Variants in PECAM1 observed in about 807,000 individuals in gnomAD.
PECAM1 encodes the protein platelet endothelial cell adhesion molecule.
A neutral mutation model predicts 13.8 loss-of-function variants in PECAM1; 8 were observed. The ratio of observed to expected loss-of-function variants is 0.58; its 90% CI spans 0.34 to 1.05. The LOEUF (loss-of-function observed/expected upper bound fraction) is 1.05, where lower values mean the gene tolerates loss of function less well. Ranked by LOEUF, PECAM1 falls within the 50% of genes least tolerant of loss-of-function variation. The pLI, the probability that PECAM1 is intolerant of heterozygous loss-of-function variation, is 0.03. For synonymous variants in PECAM1, 136 were observed against 52.6 expected (o/e 2.58, Z -6.86); for missense variants, 304 against 141.2 (o/e 2.15, Z -5.84).
chr17:64,380,661 A>G (rs1002577773), intron 2 of PECAM1, among the ~76,000 whole-genome samples: 1 of 152,246 alleles, frequency 6.6e-6, no homozygotes, highest in Non-Finnish European at 1.5e-5. Flanking sequence ...CATGATATGT[A>G]AAAACCTCAA....
At position 64,334,547 on chromosome 17, in the gene PECAM1, C is replaced by T. The variant is rs1013024951; in HGVS notation, c.2165-4825G>A. 4.9e-4 allele frequency among the ~76,000 whole-genome samples: 74 copies of T among 152,048 alleles called. 1 individual carries two copies. In the East Asian group the frequency reaches 0.012, roughly 26 times the overall value. On this transcript the variant is annotated intron_variant, in intron 14 of 15. Transcript: ENST00000563924. ...TTTTTGAGATGGAGTCTCACTCTGT[C>T]GCCCAGGCTGGAGTGCACTGGTGCG...
At chr17:64,373,096 G>A (rs1426130700) in intron 4 of PECAM1, among the ~76,000 whole-genome samples, 8 of 149,134 alleles carry the variant, frequency 5.4e-5, no homozygotes, top group East Asian at 2.0e-4. Flanking sequence ...TGGGCAACAA[G>A]AGTGAAACTC....
chr17:64,334,665 G>A (rs1431122978), intron 14 of PECAM1, among the ~76,000 whole-genome samples: 1 of 152,030 alleles, frequency 6.6e-6, no homozygotes, highest in African/African-American at 2.4e-5. Context: ...CCGCCACCAC[G>A]TCCAGCTAAT....
intron 6 of PECAM1, among the ~76,000 whole-genome samples, chr17:64,361,328 T>G (rs1236064096): frequency 6.6e-6 from 1 of 151,964 alleles, no homozygotes; most frequent in Non-Finnish European, 1.5e-5. Context: ...GTATTTTTAG[T>G]AGAGAGGGGG....
chr17:64,363,075 G>A lies in PECAM1; in HGVS notation c.1216+74C>T, dbSNP rs950206583. 7 of 473,020 alleles carry A rather than the reference G, an allele frequency of 1.5e-5. No individual in the cohort carries two copies. The Admixed American group carries it at 1.6e-4, about 11-fold the overall frequency. The allele number at this position is 473,020 out of a possible 1,614,324, so 29.3% of individuals were successfully genotyped here. A position where few individuals can be genotyped will look rare whatever the true frequency, so the allele number is the denominator to read the frequency against. On this transcript the variant is annotated intron_variant, in intron 6 of 15. Coordinates refer to ENST00000563924, the MANE Select transcript of PECAM1 (RefSeq NM_000442.5). ...CCTGAGTCTGCTCAGACCGGAGAGGGCGGCAGCTGCAGATAAATTTCCTTT... is the reference window on the plus strand; with the variant it reads ...CCTGAGTCTGCTCAGACCGGAGAGGACGGCAGCTGCAGATAAATTTCCTTT...
Position 64,387,082 on chromosome 17 carries a change from G to A in PECAM1, c.91+3407C>T, listed in dbSNP as rs947103483. Among the ~76,000 whole-genome samples the A allele has an allele frequency of 1.5e-4, 23 of 152,318 alleles. 2 individuals carry two copies. The South Asian group carries it at 4.8e-3, about 32-fold the overall frequency. The stretch of plus-strand genomic sequence containing the variant: ...AAGTAAGTCCAAAGTCAGCCATGGG[G>A]GAGAAGGAAGAGGGTTTGTTAGAGA... On this transcript the variant is annotated intron_variant, in intron 2 of 15. Transcript: ENST00000563924.
Position 64,356,336 on chromosome 17 carries a change from T to C in PECAM1, c.1555A>G (p.Ile519Val). The change falls in exon 8 of 16, where the codon ATT becomes GTT. Residue 519 changes from isoleucine to valine, a missense_variant. Coordinates refer to ENST00000563924, the MANE Select transcript of PECAM1 (RefSeq NM_000442.5). ...SSKVVESGEDIVLQCAVNEGS... is the reference protein window; with the variant it reads ...SSKVVESGEDVVLQCAVNEGS... ...TCATTCACAGCACATTGCAGCACAA[T>C]GTCCTCTCCAGACTCCACCACCTTA... 4.2e-6 allele frequency: 2 copies of C among 474,258 alleles called. No homozygotes were observed. Among genetic ancestry groups the C allele is most frequent in the Non-Finnish European group, 7.7e-6 (2 of 258,716 alleles). 29.4% of individuals were successfully genotyped at this position (474,258 alleles called of 1,614,324 possible). A position where few individuals can be genotyped will look rare whatever the true frequency, so the allele number is the denominator to read the frequency against.
At chr17:64,352,293 T>C (rs2035743388) in intron 11 of PECAM1, 97 bp downstream of exon 11, 4 of 425,496 alleles carry the variant, frequency 9.4e-6, no homozygotes, top group African/African-American at 8.1e-5. Flanking sequence ...CTCTTCCAAC[T>C]GTAATCCCAC....
chr17:64,389,727 C>A (rs1334429002), intron 2 of PECAM1, among the ~76,000 whole-genome samples: 1 of 152,064 alleles, frequency 6.6e-6, no homozygotes, highest in African/African-American at 2.4e-5. Context: ...ACCTCCCCAT[C>A]CCAAAAAACA....
At chr17:64,374,895 A>G (rs915405632) in intron 4 of PECAM1, among the ~76,000 whole-genome samples, 156 bp downstream of exon 4, 1 of 152,234 alleles carries the variant, frequency 6.6e-6, no homozygotes, top group Non-Finnish European at 1.5e-5. Context: ...ATTTAACTGT[A>G]TAACAGTCAA....
chr17:64,371,001 G>A (rs1272359185), intron 4 of PECAM1, among the ~76,000 whole-genome samples: 1 of 152,100 alleles, frequency 6.6e-6, no homozygotes, highest in Non-Finnish European at 1.5e-5. Flanking sequence ...GTAAAAAAGG[G>A]GAAGGCATCC....
intron 13 of PECAM1, among the ~76,000 whole-genome samples, chr17:64,343,492 C>T (rs1163852964): frequency 6.6e-6 from 1 of 152,160 alleles, no homozygotes; most frequent in African/African-American, 2.4e-5. Context: ...CAGACCCCGA[C>T]CTCCTATGGG....
chr17:64,334,898 A>C (rs977211157), intron 14 of PECAM1, among the ~76,000 whole-genome samples: 2 of 152,120 alleles, frequency 1.3e-5, no homozygotes, highest in East Asian at 1.9e-4. Flanking sequence ...CCAATGCTGA[A>C]AGATCCCTCC....
chr17:64,354,796 C>T (rs2035812302), intron 9 of PECAM1, 137 bp downstream of exon 9: 2 of 411,928 alleles, frequency 4.9e-6, no homozygotes, highest in African/African-American at 2.1e-5. Context: ...TTTATCTTTT[C>T]TGGTTTGCCC....
chr17:64,373,455 G>A (rs1422998257), intron 4 of PECAM1, among the ~76,000 whole-genome samples: 2 of 151,820 alleles, frequency 1.3e-5, no homozygotes, highest in Admixed American at 1.3e-4. Flanking sequence ...ATAAGATTTT[G>A]TCTGGTTTTT....
At chr17:64,385,116 T>TTTCCTTACG (rs2036565241) in intron 2 of PECAM1, among the ~76,000 whole-genome samples, 1 of 152,162 alleles carries the variant, frequency 6.6e-6, no homozygotes, top group African/African-American at 2.4e-5. Flanking sequence ...ATTTCCTTAC[T>TTTCCTTACG]GAACCCAAAA....
chr17:64,368,437 C>T (rs893940174), intron 5 of PECAM1, among the ~76,000 whole-genome samples: 2 of 152,080 alleles, frequency 1.3e-5, no homozygotes, highest in South Asian at 2.1e-4. Flanking sequence ...TGTTCTACCC[C>T]CTTGGTAACC....
At chr17:64,368,488 T>C (rs1456635103) in intron 5 of PECAM1, among the ~76,000 whole-genome samples, 3 of 152,080 alleles carry the variant, frequency 2.0e-5, no homozygotes, top group African/African-American at 7.2e-5. Flanking sequence ...CAGTCTCAGT[T>C]TCCACATCCA....
At chr17:64,369,094 C>T (rs1188502302) in intron 5 of PECAM1, among the ~76,000 whole-genome samples, 6 of 151,524 alleles carry the variant, frequency 4.0e-5, no homozygotes, top group Non-Finnish European at 7.4e-5. Flanking sequence ...GCTGCCATGC[C>T]CAGCTAATTT....
Sources: gnomAD v4.1 joint callset for allele counts (sites outside exome capture counted in the v4.1 genomes callset) on GRCh38, gnomAD v4.1.1 for gene constraint, MANE v1.5 for transcripts, NCBI Gene and HGNC (gene_info 2026-07-23, HGNC 2026-07-21) for gene names.